Variants in G3BP2 observed in about 807,000 individuals in gnomAD.
The protein encoded by G3BP2 is ras GTPase-activating protein-binding protein 2.
A neutral mutation model predicts 56.7 loss-of-function variants in G3BP2; 11 were observed. The ratio of observed to expected loss-of-function variants is 0.19; its 90% CI spans 0.12 to 0.32. The LOEUF (loss-of-function observed/expected upper bound fraction) is 0.32. Among genes scored for constraint, G3BP2 ranks in the 10% least tolerant of loss-of-function variants. G3BP2 has a pLI of 1.00. For synonymous variants in G3BP2, 165 were observed against 191.6 expected (o/e 0.86, Z 1.15); for missense variants, 340 against 610.9 (o/e 0.56, Z 4.67).
At chr4:75,715,548 A>G (rs1303387995) in intron 3 of G3BP2, among the ~76,000 whole-genome samples, 1 of 152,206 alleles carries the variant, frequency 6.6e-6, no homozygotes, top group African/African-American at 2.4e-5. Flanking sequence ...GGCAAGTGTT[A>G]GACCACAAGA....
chr4:75,680,579 G>A (rs1207794007), intron 3 of G3BP2, among the ~76,000 whole-genome samples: 3 of 152,160 alleles, frequency 2.0e-5, no homozygotes, highest in South Asian at 2.1e-4. Context: ...ACAGTGCCAC[G>A]CAACTTCATA....
rs1326890924 is a variant in G3BP2 at position 75,665,630 on chromosome 4, CACACACACACACAAACACACAAACAA to C, written c.-24-3607_-24-3582del. ...ACCTGTAGTCACAAACACACAAACA[CACACACACACACAAACACACAAACAA>C]ACACACACACACACACACACACACA... On this transcript the variant is annotated intron_variant, in intron 1 of 11. Transcript: ENST00000359707. 4.8e-4 allele frequency among the ~76,000 whole-genome samples: 30 copies of C among 62,806 alleles called. No homozygotes were observed. In the East Asian group the frequency reaches 6.0e-3, roughly 13 times the overall value. 41.2% of individuals were successfully genotyped at this position (62,806 alleles called of 152,430 possible). A position where few individuals can be genotyped will look rare whatever the true frequency, so the allele number is the denominator to read the frequency against.
upstream of G3BP2, among the ~76,000 whole-genome samples, chr4:75,675,922 G>A (rs1347905142): frequency 2.0e-5 from 3 of 152,010 alleles, no homozygotes; most frequent in Admixed American, 6.6e-5. Flanking sequence ...TCTCTCTCTC[G>A]CATCCTTTAA....
chr4:75,706,411 T>G (rs1028538511), intron 3 of G3BP2, among the ~76,000 whole-genome samples: 2 of 152,212 alleles, frequency 1.3e-5, no homozygotes, highest in Non-Finnish European at 2.9e-5. Context: ...GGAGCTAGAT[T>G]GGGCTTGAAT....
intron 1 of G3BP2, among the ~76,000 whole-genome samples, chr4:75,723,038 A>G (rs1720239732): frequency 6.6e-6 from 1 of 152,250 alleles, no homozygotes; most frequent in South Asian, 2.1e-4. Flanking sequence ...CAATAACTGC[A>G]AAGTGCTAAC....
chr4:75,673,346 C>A lies in G3BP2; in HGVS notation c.-163G>T. 46 of 1,231,108 alleles carry A rather than the reference C, an allele frequency of 3.7e-5. No homozygotes were observed. Among genetic ancestry groups the A allele is most frequent in the Non-Finnish European group, 4.7e-5 (46 of 987,364 alleles). The allele number at this position is 1,231,108 out of a possible 1,614,324, so 76.3% of individuals were successfully genotyped here. The stretch of plus-strand genomic sequence containing the variant: ...CTCGGAAGCCGGAGAGCCGCGAGTT[C>A]GTCTGCCTCACAACCACCTCTTCCC... On this transcript the variant is annotated 5_prime_UTR_variant, in exon 1 of 12. Transcript: ENST00000359707.
chr4:75,651,132 G>C (rs1731674214), intron 8 of G3BP2, among the ~76,000 whole-genome samples: 1 of 152,142 alleles, frequency 6.6e-6, no homozygotes. Flanking sequence ...CTTCAACTAA[G>C]GGGGTCTAAA....
chr4:75,651,998 G>C (rs1158918116), intron 8 of G3BP2, among the ~76,000 whole-genome samples: 1 of 152,166 alleles, frequency 6.6e-6, no homozygotes, highest in South Asian at 2.1e-4. Context: ...CTACACAAAA[G>C]TAACAAACTA....
In G3BP2 at chr4:75,657,738, AG is replaced by A; in HGVS notation, c.178-9del. 6.4e-7 allele frequency: 1 copy of A among 1,568,954 alleles called. No individual in the cohort carries two copies. The highest frequency in any genetic ancestry group is 8.8e-7 in the Non-Finnish European group (1 of 1,142,822). On this transcript the variant is annotated splice_polypyrimidine_tract_variant and intron_variant, in intron 3 of 11. Coordinates refer to ENST00000359707, the MANE Select transcript of G3BP2 (RefSeq NM_203505.3). ...TACTTTGTGGTGTATATCCTTTATT[AG>A]GGAGGGAGGGAAAAATATAAACTCT...
At chr4:75,672,904 C>T (rs546802438) in intron 1 of G3BP2, 10 of 649,392 alleles carry the variant, frequency 1.5e-5, no homozygotes, top group East Asian at 1.4e-4. Context: ...TGCCTCCCCC[C>T]CCACTTCGCC....
At chr4:75,697,745 C>A (rs1719182341) in intron 3 of G3BP2, among the ~76,000 whole-genome samples, 1 of 152,006 alleles carries the variant, frequency 6.6e-6, no homozygotes, top group Non-Finnish European at 1.5e-5. Flanking sequence ...ACAAGCCTGG[C>A]CAACATGGCA....
chr4:75,671,605 C>G (rs1211023681), intron 1 of G3BP2, among the ~76,000 whole-genome samples: 2 of 152,222 alleles, frequency 1.3e-5, no homozygotes, highest in Admixed American at 6.5e-5. Flanking sequence ...TATTTCGACC[C>G]TGAATATCAA....
At chr4:75,715,482 A>C (rs1200058831) in intron 3 of G3BP2, among the ~76,000 whole-genome samples, 1 of 152,216 alleles carries the variant, frequency 6.6e-6, no homozygotes, top group Non-Finnish European at 1.5e-5. Flanking sequence ...AAAGGGGCAG[A>C]GTATGGATCC....
At chr4:75,683,371 G>A (rs928033015) in intron 3 of G3BP2, among the ~76,000 whole-genome samples, 6 of 152,184 alleles carry the variant, frequency 3.9e-5, no homozygotes, top group Admixed American at 2.6e-4. Flanking sequence ...AGACCAGCCT[G>A]GCCAACGTGG....
At chr4:75,660,057 A>G (rs1578395765) in intron 2 of G3BP2, among the ~76,000 whole-genome samples, 2 of 152,342 alleles carry the variant, frequency 1.3e-5, no homozygotes, top group Middle Eastern at 6.8e-3. Context: ...CACAAGTGGA[A>G]AATTATAACA....
At chr4:75,667,107 C>CAAAACCCCGTCTCTACA (rs1733099372) in intron 1 of G3BP2, among the ~76,000 whole-genome samples, 4 of 151,972 alleles carry the variant, frequency 2.6e-5, no homozygotes, top group Middle Eastern at 6.8e-3. Context: ...GGCAACATGG[C>CAAAACCCCGTCTCTACA]AAAACCCCGT....
chr4:75,690,186 C>A (rs1044970594), intron 3 of G3BP2, among the ~76,000 whole-genome samples: 2 of 152,182 alleles, frequency 1.3e-5, no homozygotes, highest in African/African-American at 4.8e-5. Flanking sequence ...GTAATCCCAG[C>A]ACTTTGGGAG....
At chr4:75,673,592 A>T, upstream of G3BP2, 1 of 1,231,878 alleles carries the variant, frequency 8.1e-7, no homozygotes, top group Non-Finnish European at 1.0e-6. Context: ...GCGCCCGGAA[A>T]GCCGGGGAAC....
At chr4:75,721,841 G>A (rs1720190964) in intron 2 of G3BP2, among the ~76,000 whole-genome samples, 1 of 152,086 alleles carries the variant, frequency 6.6e-6, no homozygotes, top group South Asian at 2.1e-4. Flanking sequence ...TCTATTGTCA[G>A]GTTTGGTTTA....
Sources: gnomAD v4.1 joint callset for allele counts (sites outside exome capture counted in the v4.1 genomes callset) on GRCh38, gnomAD v4.1.1 for gene constraint, MANE v1.5 for transcripts, NCBI Gene and HGNC (gene_info 2026-07-23, HGNC 2026-07-21) for gene names.